The following CYP39A1 variants were observed in gnomAD, a reference collection of about 807,000 sequenced individuals.
CYP39A1 encodes cytochrome P450 family 39 subfamily A member 1, also known as 24-hydroxycholesterol 7-alpha-hydroxylase.
A neutral mutation model predicts 58.1 loss-of-function variants in CYP39A1; 49 were observed. That is an observed-to-expected ratio of 0.84 (90% confidence interval 0.67 to 1.07). CYP39A1 has a LOEUF of 1.07. CYP39A1 is among the 50% of genes least tolerant of loss of function. The probability of loss-of-function intolerance (pLI) is 0.00; values close to 1 mark genes in which losing one functional copy is unlikely to be tolerated. For synonymous variants in CYP39A1, 209 were observed against 187.6 expected, an observed-to-expected ratio of 1.11 and a Z score of -0.93; for missense variants, 531 against 539.4, an observed-to-expected ratio of 0.98 and a Z score of 0.16.
chr6:46,585,664 C>T (rs923719850), intron 10 of CYP39A1, among the ~76,000 whole-genome samples: 5 of 152,020 alleles, frequency 3.3e-5, no homozygotes, highest in African/African-American at 7.2e-5. Flanking sequence ...GGGTATTCAG[C>T]TCCAAACAAT....
intron 10 of CYP39A1, among the ~76,000 whole-genome samples, chr6:46,558,399 G>A (rs968676799): frequency 2.6e-5 from 4 of 152,112 alleles, no homozygotes; most frequent in Non-Finnish European, 4.4e-5. Context: ...GAGAGAAAGC[G>A]AGCAAAGGGG....
At chr6:46,600,586 A>G (rs1253898249) in intron 7 of CYP39A1, among the ~76,000 whole-genome samples, 1 of 152,116 alleles carries the variant, frequency 6.6e-6, no homozygotes, top group Non-Finnish European at 1.5e-5. Flanking sequence ...CTAGTCACCA[A>G]TGGAGAATGA....
At chr6:46,598,411 C>T (rs1207965322) in intron 7 of CYP39A1, among the ~76,000 whole-genome samples, 1 of 152,142 alleles carries the variant, frequency 6.6e-6, no homozygotes, top group Admixed American at 6.6e-5. Context: ...ATGGCATAAA[C>T]TTTCGTGCAC....
At chr6:46,561,217 AG>A (rs1770951258) in intron 10 of CYP39A1, among the ~76,000 whole-genome samples, 1 of 152,284 alleles carries the variant, frequency 6.6e-6, no homozygotes, top group South Asian at 2.1e-4. Flanking sequence ...ACAGTTTTGT[AG>A]GTTCCTTGCT....
chr6:46,588,205 G>A, intron 8 of CYP39A1, 76 bp from the exon 9 acceptor site: 1 of 765,738 alleles, frequency 1.3e-6, no homozygotes, highest in Non-Finnish European at 2.1e-6. Flanking sequence ...TAAAAATGAT[G>A]CTACAATTAT....
At position 46,642,765 on chromosome 6, in the gene CYP39A1, T is replaced by C. The variant is rs377364056; in HGVS notation, c.178-467A>G. ...ATACACTTTTCTAATCTGTTCACTT[T>C]CCTAGTTTTCAAAATGATTATTTCA... is the stretch of plus-strand genomic sequence containing the variant. On this transcript the variant is annotated intron_variant, in intron 1 of 11. Coordinates refer to ENST00000275016, the MANE Select transcript of CYP39A1 (RefSeq NM_016593.5). 1.4e-3 allele frequency among the ~76,000 whole-genome samples: 211 copies of C among 152,314 alleles called. 1 individual carries two copies. The highest frequency in any genetic ancestry group is 4.9e-3 in the African/African-American group (205 of 41,576).
At chr6:46,619,719 G>A (rs1278030220) in intron 7 of CYP39A1, among the ~76,000 whole-genome samples, 1 of 151,988 alleles carries the variant, frequency 6.6e-6, no homozygotes, top group African/African-American at 2.4e-5. Flanking sequence ...AATATCTTCT[G>A]GATACTTCCA....
At chr6:46,585,733 G>A (rs536700147) in intron 10 of CYP39A1, among the ~76,000 whole-genome samples, 2 of 152,196 alleles carry the variant, frequency 1.3e-5, no homozygotes, top group African/African-American at 2.4e-5. Flanking sequence ...AACATAACAG[G>A]AAGTAGACAA....
chr6:46,617,845 T>C (rs1379657489), intron 7 of CYP39A1, among the ~76,000 whole-genome samples: 1 of 152,172 alleles, frequency 6.6e-6, no homozygotes, highest in East Asian at 1.9e-4. Flanking sequence ...TAGCGCTGAC[T>C]ATTAACTATT....
intron 7 of CYP39A1, among the ~76,000 whole-genome samples, chr6:46,606,438 C>T (rs1773849596): frequency 6.6e-6 from 1 of 152,006 alleles, no homozygotes; most frequent in Non-Finnish European, 1.5e-5. Context: ...AGCTCCGTAC[C>T]CATACTGTGC....
intron 11 of CYP39A1, 151 bp from the exon 12 acceptor site, chr6:46,550,588 T>C (rs956268541): frequency 1.7e-6 from 1 of 602,904 alleles, no homozygotes; most frequent in Admixed American, 3.2e-5. Context: ...CTTCACAATA[T>C]CCAACATCAA....
At position 46,550,363 on chromosome 6, in the gene CYP39A1, A is replaced by G. The variant is rs777137397; in HGVS notation, c.*3T>C. 6.2e-7 allele frequency: 1 copy of G among 1,612,506 alleles called. No individual in the cohort carries two copies. The highest frequency in any genetic ancestry group is 2.2e-5 in the East Asian group (1 of 44,800). On this transcript the variant is annotated 3_prime_UTR_variant, in exon 12 of 12. Transcript: ENST00000275016. ...CCCTGGTCCTTGTGAGGCCCAACAGATGTCATATTCTTTGTTTATATTCAA... is the reference window on the plus strand; with the variant it reads ...CCCTGGTCCTTGTGAGGCCCAACAGGTGTCATATTCTTTGTTTATATTCAA...
intron 8 of CYP39A1, 51 bp from the exon 9 acceptor site, chr6:46,588,180 G>C: frequency 8.9e-7 from 1 of 1,127,494 alleles, no homozygotes; most frequent in East Asian, 2.6e-5. Context: ...ATACTTTAAA[G>C]AGAATTTGGG....
At chr6:46,564,307 C>A (rs894920802) in intron 10 of CYP39A1, among the ~76,000 whole-genome samples, 1 of 151,816 alleles carries the variant, frequency 6.6e-6, no homozygotes, top group Non-Finnish European at 1.5e-5. Flanking sequence ...TTCTCTCCTG[C>A]CTCAGCCTCC....
chr6:46,641,896 A>T (rs1415642334), intron 2 of CYP39A1, among the ~76,000 whole-genome samples: 1 of 152,230 alleles, frequency 6.6e-6, no homozygotes, highest in African/African-American at 2.4e-5. Context: ...ACAGATTCCA[A>T]ATATTCTCTA....
intron 10 of CYP39A1, among the ~76,000 whole-genome samples, chr6:46,578,468 C>T (rs1440606355): frequency 2.0e-5 from 3 of 151,412 alleles, no homozygotes; most frequent in Non-Finnish European, 4.4e-5. Flanking sequence ...CGCAAAAATC[C>T]ATACAAAAGA....
intron 7 of CYP39A1, among the ~76,000 whole-genome samples, chr6:46,602,689 C>CAAAA (rs35833432): frequency 1.7e-4 from 8 of 46,854 alleles, no homozygotes; most frequent in Non-Finnish European, 2.5e-4. Flanking sequence ...GTGCACGTCT[C>CAAAA]AAAAAAAAAA....
At chr6:46,635,563 T>G (rs2150587199) in intron 5 of CYP39A1, among the ~76,000 whole-genome samples, 1 of 152,278 alleles carries the variant, frequency 6.6e-6, no homozygotes, top group East Asian at 1.9e-4. Flanking sequence ...TTTGTTTGTT[T>G]GTTTTTGAGA....
At position 46,639,550 on chromosome 6, in the gene CYP39A1, A is replaced by G. The variant is rs1307478325; in HGVS notation, c.432T>C (p.His144=). The change falls in exon 3 of 12, where the codon CAT becomes CAC. Residue 144 remains histidine, a synonymous_variant. Coordinates refer to ENST00000275016, the MANE Select transcript of CYP39A1 (RefSeq NM_016593.5). ...GAGTGCCTAAATTCTCCAGTTGTTC[A>G]TGTAATTCTTCAGTCAGTTGCCCAG... ...QFTGQLTEEL[H]EQLENLGTHG... 6.2e-7 allele frequency: 1 copy of G among 1,614,136 alleles called. No homozygotes were observed. Among genetic ancestry groups the G allele is most frequent in the Non-Finnish European group, 8.5e-7 (1 of 1,180,010 alleles).
Sources: gnomAD v4.1 joint callset for allele counts (sites outside exome capture counted in the v4.1 genomes callset) on GRCh38, gnomAD v4.1.1 for gene constraint, MANE v1.5 for transcripts, NCBI Gene and HGNC (gene_info 2026-07-23, HGNC 2026-07-21) for gene names.